The following GPRIN3 variants were observed in gnomAD, a reference collection of about 807,000 sequenced individuals.
GPRIN3 encodes the protein G protein-regulated inducer of neurite outgrowth 3.
Under a neutral mutation model 13.7 loss-of-function variants are expected in GPRIN3, and 12 were observed. That is an observed-to-expected ratio of 0.87 (90% CI 0.56 to 1.42). The LOEUF (loss-of-function observed/expected upper bound fraction) is 1.42. Ranked by LOEUF, GPRIN3 falls within the 40% of genes most tolerant of loss-of-function variation. The probability of loss-of-function intolerance (pLI) is 0.00; values close to 1 mark genes in which losing one functional copy is unlikely to be tolerated. For missense variants in GPRIN3, 1,009 were observed against 958.7 expected, an observed-to-expected ratio of 1.05 and a Z score of -0.69; for synonymous variants, 377 against 372.7, an observed-to-expected ratio of 1.01 and a Z score of -0.13.
intron 1 of GPRIN3, among the ~76,000 whole-genome samples, chr4:89,289,792 A>T (rs951973214): frequency 8.5e-5 from 13 of 152,132 alleles, no homozygotes; most frequent in Admixed American, 5.2e-4. Flanking sequence ...ACTAATAGTG[A>T]CTGTCTAATA....
At chr4:89,266,389 G>A (rs1723780277) in intron 1 of GPRIN3, among the ~76,000 whole-genome samples, 2 of 152,156 alleles carry the variant, frequency 1.3e-5, no homozygotes, top group Admixed American at 1.3e-4. Context: ...GATATTGCAT[G>A]AGACCAAGAG....
intron 1 of GPRIN3, among the ~76,000 whole-genome samples, chr4:89,262,660 G>A (rs1723665322): frequency 6.6e-6 from 1 of 152,168 alleles, no homozygotes; most frequent in Non-Finnish European, 1.5e-5. Flanking sequence ...TTATCTAAAA[G>A]CTCCAAGCTG....
intron 1 of GPRIN3, among the ~76,000 whole-genome samples, chr4:89,253,016 G>GA (rs11408492): frequency 0.39 from 48,291 of 123,868 alleles, 8,414 homozygotes; most frequent in South Asian, 0.6. Flanking sequence ...TCTCAAAAAA[G>GA]AAAAAAAAAA....
chr4:89,284,933 T>C (rs1724359752), intron 1 of GPRIN3, among the ~76,000 whole-genome samples: 1 of 152,194 alleles, frequency 6.6e-6, no homozygotes, highest in Non-Finnish European at 1.5e-5. Flanking sequence ...ACTTCCCCAA[T>C]TACTACTGCA....
Position 89,239,603 on chromosome 4 carries a change from G to C in GPRIN3, c.*8177C>G, listed in dbSNP as rs868296591. The stretch of plus-strand genomic sequence containing the variant: ...TATTCTTAACTTTCTACTGAGAAGT[G>C]GTTGTTTGTACTTTGCCAAATGGAA... On this transcript the variant is annotated 3_prime_UTR_variant, in exon 2 of 2. Transcript: ENST00000609438. The C allele has an allele frequency of 3.9e-5, 6 of 152,136 alleles. No individual in the cohort carries two copies. Among genetic ancestry groups the C allele is most frequent in the Non-Finnish European group, 8.8e-5 (6 of 68,012 alleles). The allele number at this position is 152,136 out of a possible 1,614,324, so 9.4% of individuals were successfully genotyped here.
chr4:89,262,125 CAAA>C (rs61290252), intron 1 of GPRIN3, among the ~76,000 whole-genome samples: 4 of 53,812 alleles, frequency 7.4e-5, no homozygotes, highest in African/African-American at 5.4e-5. Context: ...GACCCAGTCT[CAAA>C]AAAAAAAAAA....
chr4:89,241,966 A>G lies in GPRIN3; in HGVS notation c.*5814T>C, dbSNP rs1016478900. ...TAGCAGCAATGTCAAAAAGCAAGCTATAATTTTCACCCCAGAAATAAATGA... is the reference window on the plus strand; with the variant it reads ...TAGCAGCAATGTCAAAAAGCAAGCTGTAATTTTCACCCCAGAAATAAATGA... On this transcript the variant is annotated 3_prime_UTR_variant, in exon 2 of 2. Coordinates refer to ENST00000609438, the MANE Select transcript of GPRIN3 (RefSeq NM_198281.3). The G allele has an allele frequency of 6.6e-6, 1 of 152,222 alleles. No individual in the cohort carries two copies. Among genetic ancestry groups the G allele is most frequent in the African/African-American group, 2.4e-5 (1 of 41,460 alleles). The allele number at this position is 152,222 out of a possible 1,614,324, so 9.4% of individuals were successfully genotyped here. A position where few individuals can be genotyped will look rare whatever the true frequency, so the allele number is the denominator to read the frequency against.
At chr4:89,269,137 A>G (rs79180549) in intron 1 of GPRIN3, among the ~76,000 whole-genome samples, 9,762 of 152,046 alleles carry the variant, frequency 0.064, 486 homozygotes, top group South Asian at 0.21. Context: ...TTGAGGAAAA[A>G]TTTTCTTCTG....
chr4:89,243,110 T>G lies in GPRIN3; in HGVS notation c.*4670A>C, dbSNP rs1722990097. On this transcript the variant is annotated 3_prime_UTR_variant, in exon 2 of 2. Transcript: ENST00000609438. ...ACTTGGGAGACAGAATTTTTCCACTTCAATCCATCTTCATTTATGTCCTTG... is the reference window on the plus strand; with the variant it reads ...ACTTGGGAGACAGAATTTTTCCACTGCAATCCATCTTCATTTATGTCCTTG... 6.6e-6 allele frequency: 1 copy of G among 152,206 alleles called. No individual in the cohort carries two copies. Among genetic ancestry groups the G allele is most frequent in the Admixed American group, 6.5e-5 (1 of 15,286 alleles). 9.4% of individuals were successfully genotyped at this position (152,206 alleles called of 1,614,324 possible).
intron 1 of GPRIN3, among the ~76,000 whole-genome samples, chr4:89,300,030 C>T (rs1472476335): frequency 6.6e-6 from 1 of 151,754 alleles, no homozygotes; most frequent in Non-Finnish European, 1.5e-5. Context: ...ATGAAAAACT[C>T]CGTTATTCTT....
At position 89,307,656 on chromosome 4, in the gene GPRIN3, C is replaced by T. The variant is rs28378092; in HGVS notation, c.-165G>A. 57,616 of 152,072 alleles carry T rather than the reference C, an allele frequency of 0.38. 12,224 individuals carry two copies. Among genetic ancestry groups the T allele is most frequent in the East Asian group, 0.54 (2,763 of 5,126 alleles). The allele number at this position is 152,072 out of a possible 1,614,324, so 9.4% of individuals were successfully genotyped here. ...CGCGGCGCGGCGGGGCCACTGCCTG[C>T]GCTGTGGCGGGGGCTTCCCGTCGCA... On this transcript the variant is annotated 5_prime_UTR_variant, in exon 1 of 2. Transcript: ENST00000609438.
intron 1 of GPRIN3, among the ~76,000 whole-genome samples, chr4:89,263,080 T>C (rs1723677397): frequency 6.6e-6 from 1 of 152,246 alleles, no homozygotes; most frequent in African/African-American, 2.4e-5. Context: ...CTTCTGTCAG[T>C]ACTGGGCTTA....
At chr4:89,303,947 A>G (rs1176942179) in intron 1 of GPRIN3, among the ~76,000 whole-genome samples, 1 of 152,096 alleles carries the variant, frequency 6.6e-6, no homozygotes, top group African/African-American at 2.4e-5. Context: ...TTCTCTTCCA[A>G]CTTGATATTT....
chr4:89,302,209 C>G (rs909576712), intron 1 of GPRIN3, among the ~76,000 whole-genome samples: 3 of 152,154 alleles, frequency 2.0e-5, no homozygotes, highest in Non-Finnish European at 4.4e-5. Flanking sequence ...ACTGATTCTC[C>G]TCCCTCACCA....
Position 89,240,644 on chromosome 4 carries a change from C to T in GPRIN3, c.*7136G>A, listed in dbSNP as rs549532858. The T allele has an allele frequency of 3.3e-5, 5 of 152,304 alleles. No individual in the cohort carries two copies. In the South Asian group the frequency reaches 1.0e-3, roughly 32 times the overall value. The allele number at this position is 152,304 out of a possible 1,614,324, so 9.4% of individuals were successfully genotyped here. A position where few individuals can be genotyped will look rare whatever the true frequency, so the allele number is the denominator to read the frequency against. ...TTAATTCCCTGTAGCTACTCAGTTA[C>T]CAGTCTGTGCTTCAGTTGCTGGAGT... On this transcript the variant is annotated 3_prime_UTR_variant, in exon 2 of 2. Coordinates refer to ENST00000609438, the MANE Select transcript of GPRIN3 (RefSeq NM_198281.3).
rs1722847263 is a variant in GPRIN3, at chr4:89,238,694, A to T, written c.*9086T>A. The T allele has an allele frequency of 6.6e-6, 1 of 152,190 alleles. No homozygotes were observed. Among genetic ancestry groups the T allele is most frequent in the Admixed American group, 6.5e-5 (1 of 15,276 alleles). 9.4% of individuals were successfully genotyped at this position (152,190 alleles called of 1,614,324 possible). On this transcript the variant is annotated 3_prime_UTR_variant, in exon 2 of 2. Coordinates refer to ENST00000609438, the MANE Select transcript of GPRIN3 (RefSeq NM_198281.3). Reference sequence around the variant, plus strand: ...TTGATTCTATGGGAATTCTATTTTAATTAAAGAAAAAAGTTCTTTCATTGC... The same window carrying T: ...TTGATTCTATGGGAATTCTATTTTATTTAAAGAAAAAAGTTCTTTCATTGC...
rs1373341383 is a variant in GPRIN3 at position 89,307,754 on chromosome 4, C to A, written c.-263G>T. 1 of 152,324 alleles carries A rather than the reference C, an allele frequency of 6.6e-6. No individual in the cohort carries two copies. Among genetic ancestry groups the A allele is most frequent in the African/African-American group, 2.4e-5 (1 of 41,458 alleles). 9.4% of individuals were successfully genotyped at this position (152,324 alleles called of 1,614,324 possible). On this transcript the variant is annotated 5_prime_UTR_variant, in exon 1 of 2. Coordinates refer to ENST00000609438, the MANE Select transcript of GPRIN3 (RefSeq NM_198281.3). ...CCGCGAGCTGAGGTCCTTCTCAGCC[C>A]GGTCCCGGAGCGAGCTCCGTGCGTT...
intron 1 of GPRIN3, among the ~76,000 whole-genome samples, chr4:89,277,122 G>A (rs531856198): frequency 3.3e-5 from 5 of 152,018 alleles, no homozygotes; most frequent in Non-Finnish European, 7.4e-5. Context: ...AAAGTTGGAC[G>A]GTGCTGTGGC....
chr4:89,280,910 A>G (rs1447909050), intron 1 of GPRIN3, among the ~76,000 whole-genome samples: 2 of 152,182 alleles, frequency 1.3e-5, no homozygotes, highest in Non-Finnish European at 2.9e-5. Flanking sequence ...CTGCATTGCT[A>G]TAAAGGAATA....
Sources: allele counts gnomAD v4.1 joint callset (sites outside exome capture counted in the v4.1 genomes callset), GRCh38; gene constraint gnomAD v4.1.1; transcripts MANE v1.5; gene names NCBI Gene and HGNC (gene_info 2026-07-23, HGNC 2026-07-21).